RASGEF1C: variants seen among roughly 807,000 people sequenced by gnomAD.
RASGEF1C encodes the protein ras-GEF domain-containing family member 1C.
RASGEF1C carries 27 observed loss-of-function variants against 58.1 expected under a neutral mutation model. The observed-to-expected ratio is 0.46, with a 90% CI of 0.34 to 0.64. RASGEF1C has a LOEUF of 0.64. Ranked by LOEUF, RASGEF1C falls within the 30% of genes least tolerant of loss-of-function variation. The pLI is 0.01. For missense variants in RASGEF1C, 502 were observed against 605.1 expected (o/e 0.83, Z 1.79); for synonymous variants, 243 against 246.3 (o/e 0.99, Z 0.13).
At chr5:180,159,637 C>T (rs948966001) in intron 1 of RASGEF1C, among the ~76,000 whole-genome samples, 7 of 152,220 alleles carry the variant, frequency 4.6e-5, no homozygotes, top group African/African-American at 1.7e-4. Flanking sequence ...TGCGGACAAG[C>T]TCGCAGTGGG....
chr5:180,161,806 A>G (rs1766949656), intron 1 of RASGEF1C, among the ~76,000 whole-genome samples: 1 of 152,172 alleles, frequency 6.6e-6, no homozygotes, highest in Non-Finnish European at 1.5e-5. Flanking sequence ...ACACAGACCC[A>G]CCTGCGGGAG....
intron 1 of RASGEF1C, among the ~76,000 whole-genome samples, chr5:180,164,569 T>C (rs1766991252): frequency 6.6e-6 from 1 of 152,234 alleles, no homozygotes; most frequent in African/African-American, 2.4e-5. Flanking sequence ...TTTAGATACG[T>C]GCTTAATTTC....
intron 1 of RASGEF1C, among the ~76,000 whole-genome samples, chr5:180,202,920 T>C (rs1756420523): frequency 6.6e-6 from 1 of 152,018 alleles, no homozygotes; most frequent in Non-Finnish European, 1.5e-5. Context: ...GCCAGGATGG[T>C]CTCGATCTCC....
chr5:180,151,028 C>A (rs896873459), intron 1 of RASGEF1C, among the ~76,000 whole-genome samples: 1 of 151,384 alleles, frequency 6.6e-6, no homozygotes. Flanking sequence ...AGGACCTCTT[C>A]AAGGAGAACT....
At chr5:180,138,349 C>A (rs906944561) in intron 1 of RASGEF1C, 1 of 312,894 alleles carries the variant, frequency 3.2e-6, no homozygotes. Flanking sequence ...TTCTTCCCCC[C>A]GGCACCCCTC....
At chr5:180,128,287 G>C (rs1156362997) in intron 5 of RASGEF1C, 123 bp downstream of exon 5, 2 of 925,710 alleles carry the variant, frequency 2.2e-6, no homozygotes, top group Admixed American at 3.5e-5. Flanking sequence ...GTGCATGCTC[G>C]AGGCTAGGCC....
rs1561736806 is a variant in RASGEF1C, at chr5:180,127,747, G to T, written c.640-64C>A. On this transcript the variant is annotated intron_variant, in intron 5 of 13. Transcript: ENST00000361132. ...TATGGGGAGGGGGTGTCCACTGGGG[G>T]GCCTGCCGTGGTGCCCCAGCCCCTA... is the stretch of plus-strand genomic sequence containing the variant. The T allele has an allele frequency of 5.5e-6, 8 of 1,463,218 alleles. No individual in the cohort carries two copies. In the East Asian group the frequency reaches 1.9e-4, roughly 34 times the overall value. The allele number at this position is 1,463,218 out of a possible 1,614,324, so 90.6% of individuals were successfully genotyped here. A position where few individuals can be genotyped will look rare whatever the true frequency, so the allele number is the denominator to read the frequency against.
At chr5:180,190,789 C>A (rs973594438) in intron 1 of RASGEF1C, among the ~76,000 whole-genome samples, 1 of 151,886 alleles carries the variant, frequency 6.6e-6, no homozygotes, top group Non-Finnish European at 1.5e-5. Context: ...GTAAAAATTC[C>A]TTAAACACCA....
intron 1 of RASGEF1C, among the ~76,000 whole-genome samples, chr5:180,182,905 T>C (rs1755932463): frequency 6.6e-6 from 1 of 152,188 alleles, no homozygotes; most frequent in African/African-American, 2.4e-5. Flanking sequence ...TACTCCCTGG[T>C]GTACACACCC....
intron 6 of RASGEF1C, among the ~76,000 whole-genome samples, chr5:180,126,348 A>G (rs909866722): frequency 3.3e-5 from 5 of 152,180 alleles, no homozygotes; most frequent in Admixed American, 6.5e-5. Flanking sequence ...CGGAGCTTGC[A>G]GTGAGCGGAG....
intron 1 of RASGEF1C, among the ~76,000 whole-genome samples, chr5:180,194,422 A>G (rs1756227617): frequency 6.6e-6 from 1 of 152,200 alleles, no homozygotes; most frequent in African/African-American, 2.4e-5. Flanking sequence ...TCATCATCCA[A>G]AGTGCTAATA....
intron 12 of RASGEF1C, among the ~76,000 whole-genome samples, chr5:180,103,133 A>G (rs112895808): frequency 7.9e-5 from 12 of 152,264 alleles, no homozygotes; most frequent in South Asian, 4.1e-4. Context: ...GCTGGAGTGC[A>G]GTGGCGCGAT....
At chr5:180,170,199 C>T (rs563579752) in intron 1 of RASGEF1C, among the ~76,000 whole-genome samples, 2 of 152,280 alleles carry the variant, frequency 1.3e-5, no homozygotes, top group South Asian at 2.1e-4. Flanking sequence ...TGATGGCCCC[C>T]GGGATGCGGG....
chr5:180,119,214 G>C (rs1367517501), intron 8 of RASGEF1C, 132 bp downstream of exon 8: 3 of 794,064 alleles, frequency 3.8e-6, no homozygotes, highest in African/African-American at 1.7e-5. Context: ...CAGGCCTTCA[G>C]AGAGCCCGGC....
intron 5 of RASGEF1C, among the ~76,000 whole-genome samples, chr5:180,128,144 G>A (rs1766294850): frequency 6.6e-6 from 1 of 152,212 alleles, no homozygotes; most frequent in African/African-American, 2.4e-5. Flanking sequence ...ATGAGCGAGC[G>A]CACGGGAGCG....
intron 10 of RASGEF1C, among the ~76,000 whole-genome samples, chr5:180,115,871 G>T (rs1465782147): frequency 6.6e-6 from 1 of 152,132 alleles, no homozygotes; most frequent in East Asian, 1.9e-4. Flanking sequence ...AGTGGTGGGG[G>T]GGGATTGTGG....
chr5:180,190,281 A>T (rs1248399882), intron 1 of RASGEF1C, among the ~76,000 whole-genome samples: 1 of 151,402 alleles, frequency 6.6e-6, no homozygotes, highest in Admixed American at 6.6e-5. Context: ...AGGTTAGGAG[A>T]TCGAGACCAT....
At chr5:180,208,787 C>G (rs1396948196) in intron 1 of RASGEF1C, among the ~76,000 whole-genome samples, 25 of 152,076 alleles carry the variant, frequency 1.6e-4, no homozygotes, top group African/African-American at 6.0e-4. Flanking sequence ...CGCGGCAGAG[C>G]TGGGTCTCCC....
rs966235962 is a variant in RASGEF1C, at chr5:180,155,087, C to T, written c.-6-17029G>A. On this transcript the variant is annotated intron_variant, in intron 1 of 13. Transcript: ENST00000361132. This position sits in a 1 kb window ranked among gnomAD's most constrained non-coding sequence, Gnocchi z 5.2. ...GGAGGCAGGGAGCTTCTGGGCAGCC[C>T]TGATGGACTGAGCTGAAGGAGAGGC... 4.6e-5 allele frequency among the ~76,000 whole-genome samples: 7 copies of T among 152,202 alleles called. No homozygotes were observed. The highest frequency in any genetic ancestry group is 1.7e-4 in the African/African-American group (7 of 41,458).
Sources: allele counts gnomAD v4.1 joint callset (sites outside exome capture counted in the v4.1 genomes callset), GRCh38; gene constraint gnomAD v4.1.1; non-coding constraint Gnocchi (gnomAD v3.1); transcripts MANE v1.5; gene names NCBI Gene and HGNC (gene_info 2026-07-23, HGNC 2026-07-21).